DNM1L: variants seen among roughly 807,000 people sequenced by gnomAD.
DNM1L encodes dynamin 1L, also known as dynamin-1-like protein.
A neutral mutation model predicts 92.8 loss-of-function variants in DNM1L; 33 were observed. The observed-to-expected ratio is 0.36, with a 90% CI of 0.27 to 0.48. The LOEUF is 0.48. DNM1L is among the 20% of genes least tolerant of loss of function. The pLI is 0.99. For missense variants in DNM1L, 485 were observed against 888.8 expected (o/e 0.55, Z 5.78); for synonymous variants, 284 against 305.0 (o/e 0.93, Z 0.72).
At chr12:32,732,307 C>G (rs1015628823) in intron 12 of DNM1L, among the ~76,000 whole-genome samples, 1 of 152,144 alleles carries the variant, frequency 6.6e-6, no homozygotes, top group Non-Finnish European at 1.5e-5. Context: ...TTATAGCACA[C>G]TGTTACTTTG....
intron 1 of DNM1L, among the ~76,000 whole-genome samples, chr12:32,699,326 T>C (rs1301154815): frequency 6.6e-6 from 1 of 152,120 alleles, no homozygotes. Context: ...AGTTGGAAAA[T>C]ATTTAAAACA....
chr12:32,706,009 A>AT (rs1201902386), intron 2 of DNM1L: 45 of 653,940 alleles, frequency 6.9e-5, no homozygotes, highest in South Asian at 1.8e-4. Context: ...GGTTCTTGTT[A>AT]TTTTTTTTGG....
chr12:32,717,226 A>G (rs1240695728), intron 6 of DNM1L, among the ~76,000 whole-genome samples: 2 of 111,284 alleles, frequency 1.8e-5, no homozygotes, highest in Non-Finnish European at 3.4e-5. Context: ...TATATAGTAT[A>G]TATTATATAT....
intron 5 of DNM1L, 182 bp downstream of exon 5, chr12:32,711,197 G>T (rs191389721): frequency 2.7e-4 from 158 of 586,970 alleles, no homozygotes; most frequent in Non-Finnish European, 4.2e-4. Flanking sequence ...CACTCTACAG[G>T]TTTATCTCCA....
At chr12:32,719,744 G>A (rs776952634) in intron 7 of DNM1L, among the ~76,000 whole-genome samples, 3 of 152,104 alleles carry the variant, frequency 2.0e-5, no homozygotes, top group Non-Finnish European at 4.4e-5. Context: ...GTCTAATTAC[G>A]TTTTAGACAC....
intron 1 of DNM1L, among the ~76,000 whole-genome samples, chr12:32,699,058 G>A (rs1234752341): frequency 6.6e-6 from 1 of 151,906 alleles, no homozygotes; most frequent in Admixed American, 6.6e-5. Flanking sequence ...TCATTGTATT[G>A]TGGTTCTATA....
chr12:32,715,065 A>G (rs1953301895), intron 6 of DNM1L, among the ~76,000 whole-genome samples: 1 of 151,742 alleles, frequency 6.6e-6, no homozygotes, highest in Non-Finnish European at 1.5e-5. Flanking sequence ...CCCTTGAGCC[A>G]TAGATATTGT....
rs555694476 is a variant in DNM1L, at chr12:32,699,645, A to G, written c.103-1770A>G. The stretch of plus-strand genomic sequence containing the variant: ...ACCCTGTCTCTACTAAAAATACAAA[A>G]CCGCTGGGCGTGGTGTCACACGCCT... On this transcript the variant is annotated intron_variant, in intron 1 of 19. Coordinates refer to ENST00000549701, the MANE Select transcript of DNM1L (RefSeq NM_012062.5). Among the ~76,000 whole-genome samples the G allele has an allele frequency of 9.2e-5, 14 of 151,930 alleles. No homozygotes were observed. The East Asian group carries it at 2.7e-3, about 29-fold the overall frequency.
chr12:32,740,582 G>C, intron 18 of DNM1L, 64 bp downstream of exon 18: 1 of 1,375,648 alleles, frequency 7.3e-7, no homozygotes, highest in Non-Finnish European at 1.0e-6. Context: ...GATCTGTTTT[G>C]AAAAATACAT....
intron 4 of DNM1L, 60 bp from the exon 5 acceptor site, chr12:32,710,864 TTGAAA>T (rs1330673987): frequency 3.7e-5 from 47 of 1,285,390 alleles, no homozygotes; most frequent in South Asian, 2.0e-4. Flanking sequence ...GTCTATGTAC[TTGAAA>T]TGAAGTTTAT....
chr12:32,726,691 C>T, intron 9 of DNM1L: 1 of 662,902 alleles, frequency 1.5e-6, no homozygotes, highest in Admixed American at 2.6e-5. Context: ...GTTTTAGTCA[C>T]AATACGAATT....
At chr12:32,743,301 T>G in intron 19 of DNM1L, 53 bp from the exon 20 acceptor site, 1 of 1,520,562 alleles carries the variant, frequency 6.6e-7, no homozygotes, top group East Asian at 2.3e-5. Flanking sequence ...GTAATTCAGA[T>G]TAATTTCATA....
At chr12:32,724,728 A>G (rs2137466683) in intron 9 of DNM1L, among the ~76,000 whole-genome samples, 1 of 149,074 alleles carries the variant, frequency 6.7e-6, no homozygotes, top group South Asian at 2.1e-4. Flanking sequence ...CTGATAGTTT[A>G]GTTTGATAAC....
At chr12:32,688,197 T>A (rs1005696325) in intron 1 of DNM1L, among the ~76,000 whole-genome samples, 1 of 152,274 alleles carries the variant, frequency 6.6e-6, no homozygotes, top group African/African-American at 2.4e-5. Flanking sequence ...AATGCTGGGA[T>A]TACAGGCGTG....
chr12:32,712,258 C>G (rs1484452650), intron 5 of DNM1L, among the ~76,000 whole-genome samples: 3 of 152,130 alleles, frequency 2.0e-5, no homozygotes, highest in African/African-American at 4.8e-5. Flanking sequence ...CAAGTTATTA[C>G]AGAGGTCTAA....
chr12:32,696,442 G>A (rs115789956), intron 1 of DNM1L, among the ~76,000 whole-genome samples: 1,549 of 148,770 alleles, frequency 0.01, 34 homozygotes, highest in African/African-American at 0.035. Flanking sequence ...GTCTACACAC[G>A]CATGCATGCA....
rs576230210 is a variant in DNM1L at position 32,741,483 on chromosome 12, C to T, written c.1994+965C>T. ...GTATTTTTAGTAGAGACGGGTTTCA[C>T]CATGTTGGCCAGGCTGGTCTCGAAC... On this transcript the variant is annotated intron_variant, in intron 18 of 19. Coordinates refer to ENST00000549701, the MANE Select transcript of DNM1L (RefSeq NM_012062.5). 2.2e-3 allele frequency among the ~76,000 whole-genome samples: 333 copies of T among 152,298 alleles called. 1 individual carries two copies. Among genetic ancestry groups the T allele is most frequent in the Middle Eastern group, 0.02 (6 of 294 alleles).
intron 1 of DNM1L, among the ~76,000 whole-genome samples, chr12:32,689,939 C>G (rs918675711): frequency 6.6e-6 from 1 of 152,196 alleles, no homozygotes; most frequent in Admixed American, 6.5e-5. Context: ...AAATCTTTAG[C>G]TCGTAAATAT....
At chr12:32,741,800 T>G (rs1955313909) in intron 18 of DNM1L, among the ~76,000 whole-genome samples, 1 of 152,242 alleles carries the variant, frequency 6.6e-6, no homozygotes, top group Non-Finnish European at 1.5e-5. Flanking sequence ...GTTTGCAGCC[T>G]GGAGCAATAG....
Sources: gnomAD v4.1 joint callset for allele counts (sites outside exome capture counted in the v4.1 genomes callset) on GRCh38, gnomAD v4.1.1 for gene constraint, MANE v1.5 for transcripts, NCBI Gene and HGNC (gene_info 2026-07-23, HGNC 2026-07-21) for gene names.